Variants in OR7E24 observed in about 807,000 individuals in gnomAD.
OR7E24 encodes the protein olfactory receptor 7E24.
For missense variants in OR7E24, 385 were observed against 410.3 expected (o/e 0.94, Z 0.53); for synonymous variants, 130 against 157.5 (o/e 0.83, Z 1.31).
chr19:9,228,716 G>A, the OR7E24 span, among the ~76,000 whole-genome samples: 1 of 152,176 alleles, frequency 6.6e-6, no homozygotes, highest in Non-Finnish European at 1.5e-5. Context: ...TTTCCTTCAG[G>A]AAGGACTACT....
chr19:9,209,171 C>A, the OR7E24 span: 2 of 152,080 alleles, frequency 1.3e-5, no homozygotes, highest in Non-Finnish European at 1.5e-5. Context: ...AAACTTCAAT[C>A]GGGATAGAAT....
chr19:9,223,486 AC>A, the OR7E24 span, among the ~76,000 whole-genome samples: 9 of 152,256 alleles, frequency 5.9e-5, no homozygotes, highest in African/African-American at 2.2e-4. Context: ...ACCTGTCTAC[AC>A]TGTTTCATCA....
chr19:9,225,049 A>G, the OR7E24 span, among the ~76,000 whole-genome samples: 1 of 152,086 alleles, frequency 6.6e-6, no homozygotes, highest in Non-Finnish European at 1.5e-5. Flanking sequence ...TCACCCCACC[A>G]CCTGAATCAC....
chr19:9,249,963 T>TA (rs773816015), upstream of OR7E24, among the ~76,000 whole-genome samples: 51 of 148,996 alleles, frequency 3.4e-4, no homozygotes, highest in African/African-American at 5.6e-4. Flanking sequence ...ACTCAGGTCT[T>TA]AAAAAAAAAA....
the OR7E24 span, among the ~76,000 whole-genome samples, chr19:9,217,552 G>C: frequency 6.6e-6 from 1 of 152,158 alleles, no homozygotes; most frequent in Middle Eastern, 3.4e-3. Flanking sequence ...TTGTTTGTTT[G>C]TTTGGAGATG....
the OR7E24 span, among the ~76,000 whole-genome samples, chr19:9,228,460 C>T: frequency 6.8e-6 from 1 of 147,008 alleles, no homozygotes; most frequent in Admixed American, 6.6e-5. Flanking sequence ...TACACTTTCT[C>T]TCTTCTCTCC....
upstream of OR7E24, chr19:9,247,208 C>A (rs189470290): frequency 5.9e-6 from 2 of 341,856 alleles, no homozygotes; most frequent in African/African-American, 4.2e-5. Context: ...TCCTCTTCTT[C>A]TTCCTCTGTT....
At chr19:9,236,855 T>C in the OR7E24 span, among the ~76,000 whole-genome samples, 1 of 152,190 alleles carries the variant, frequency 6.6e-6, no homozygotes, top group African/African-American at 2.4e-5. Flanking sequence ...TAAAATGAAA[T>C]TCATAAAATA....
chr19:9,206,638 C>T, the OR7E24 span: 2 of 152,014 alleles, frequency 1.3e-5, no homozygotes, highest in African/African-American at 4.8e-5. Context: ...TGTTCAAAGT[C>T]CATTAGTTAT....
At chr19:9,244,207 T>C (rs148452417), upstream of OR7E24, among the ~76,000 whole-genome samples, 13 of 152,326 alleles carry the variant, frequency 8.5e-5, no homozygotes, top group Middle Eastern at 3.4e-3. Context: ...ATTATCCAAC[T>C]CAATGTACAA....
At chr19:9,244,993 C>T (rs556508805), upstream of OR7E24, among the ~76,000 whole-genome samples, 51 of 152,216 alleles carry the variant, frequency 3.4e-4, no homozygotes, top group Non-Finnish European at 6.6e-4. Context: ...CACCTGAGGT[C>T]AGGAGTTCAA....
At chr19:9,237,338 T>C in the OR7E24 span, among the ~76,000 whole-genome samples, 1 of 151,946 alleles carries the variant, frequency 6.6e-6, no homozygotes, top group African/African-American at 2.4e-5. Context: ...TGAGACGGAG[T>C]CTCGCTCTGT....
In OR7E24 at chr19:9,251,847, A is replaced by C. The variant is rs763838707; in HGVS notation, c.804A>C (p.Leu268Phe). 3 of 1,614,020 alleles carry C rather than the reference A, an allele frequency of 1.9e-6. No homozygotes were observed. Among genetic ancestry groups the C allele is most frequent in the Non-Finnish European group, 2.5e-6 (3 of 1,179,954 alleles). ...GCTCTCACCTGGCAGTTGTTTGCTT[A>C]TTTTATGGAACAGGGCTTGTAGGGT... ...TCGSHLAVVC[L>F]FYGTGLVGYL... Residue 268 changes from leucine (L) to phenylalanine (F), a missense_variant, in exon 1 of 1, where the codon TTA becomes TTC. Transcript: ENST00000456448.
the OR7E24 span, chr19:9,209,751 T>G: frequency 6.6e-6 from 1 of 151,222 alleles, no homozygotes; most frequent in African/African-American, 2.4e-5. Context: ...GCCTCCCGGG[T>G]TCAAGCAATT....
the OR7E24 span, chr19:9,211,248 G>A: frequency 1.3e-5 from 2 of 152,276 alleles, no homozygotes; most frequent in African/African-American, 4.8e-5. Context: ...AGCCATGTGA[G>A]TGAGCTTCAC....
chr19:9,230,062 G>A, the OR7E24 span, among the ~76,000 whole-genome samples: 1 of 107,678 alleles, frequency 9.3e-6, no homozygotes, highest in Non-Finnish European at 1.9e-5. Context: ...TTTTTTTTTT[G>A]AGACAGAATT....
chr19:9,223,029 TG>T, the OR7E24 span, among the ~76,000 whole-genome samples: 5 of 152,232 alleles, frequency 3.3e-5, no homozygotes, highest in Admixed American at 6.5e-5. Flanking sequence ...TTTTGTCAAA[TG>T]TTTTTTTCTG....
chr19:9,227,038 C>T, the OR7E24 span, among the ~76,000 whole-genome samples: 2,173 of 152,260 alleles, frequency 0.014, 57 homozygotes, highest in African/African-American at 0.048. Flanking sequence ...GATCCTCTTA[C>T]TCCTCCCACC....
At chr19:9,224,099 C>T in the OR7E24 span, among the ~76,000 whole-genome samples, 3 of 152,056 alleles carry the variant, frequency 2.0e-5, no homozygotes, top group Non-Finnish European at 2.9e-5. Context: ...ATCCACCTGC[C>T]TCAGCCTCCC....
Sources: allele counts gnomAD v4.1 joint callset (sites outside exome capture counted in the v4.1 genomes callset), GRCh38; gene constraint gnomAD v4.1.1; transcripts MANE v1.5; gene names NCBI Gene and HGNC (gene_info 2026-07-23, HGNC 2026-07-21).